The following EHBP1 variants were observed in gnomAD, a reference collection of about 807,000 sequenced individuals.
EHBP1 encodes the protein EH domain-binding protein 1.
Under a neutral mutation model 144.0 loss-of-function variants are expected in EHBP1, and 55 were observed. That is an observed-to-expected ratio of 0.38 (90% CI 0.31 to 0.48). EHBP1 has a LOEUF of 0.48. EHBP1 is among the 20% of genes least tolerant of loss of function. EHBP1 has a pLI of 0.98. For missense variants in EHBP1, 1,200 were observed against 1,364.2 expected (o/e 0.88, Z 1.90); for synonymous variants, 469 against 472.7 (o/e 0.99, Z 0.10).
intron 5 of EHBP1, among the ~76,000 whole-genome samples, chr2:62,803,740 CA>C (rs1238474786): frequency 6.6e-6 from 1 of 152,134 alleles, no homozygotes; most frequent in Non-Finnish European, 1.5e-5. Flanking sequence ...ATTTTTTCAG[CA>C]TTGCAAATAG....
intron 10 of EHBP1, among the ~76,000 whole-genome samples, chr2:62,931,594 C>T (rs1323166758): frequency 6.6e-6 from 1 of 152,108 alleles, no homozygotes; most frequent in Non-Finnish European, 1.5e-5. Context: ...TTTCAGTTGC[C>T]CATAGTCAAC....
intron 2 of EHBP1, among the ~76,000 whole-genome samples, chr2:62,727,751 A>C (rs184225382): frequency 2.0e-5 from 3 of 152,192 alleles, no homozygotes; most frequent in African/African-American, 7.2e-5. Context: ...TAATGCTGCT[A>C]TGAACATTTG....
chr2:62,702,553 T>C (rs2151764952), upstream of EHBP1, among the ~76,000 whole-genome samples: 2 of 152,286 alleles, frequency 1.3e-5, 1 homozygote, highest in South Asian at 4.1e-4. Context: ...TAAGGAGTTG[T>C]CATGAGGATT....
At chr2:62,970,464 A>T (rs1027341104) in intron 14 of EHBP1, among the ~76,000 whole-genome samples, 1 of 152,240 alleles carries the variant, frequency 6.6e-6, no homozygotes. Flanking sequence ...AAGAGTATGG[A>T]TACAAACTAC....
intron 3 of EHBP1, among the ~76,000 whole-genome samples, chr2:62,753,935 C>T (rs1033206910): frequency 2.4e-4 from 37 of 152,288 alleles, no homozygotes; most frequent in South Asian, 6.2e-4. Context: ...GCGATGGGTT[C>T]GAACTTCCTC....
chr2:63,037,316 C>T (rs150564498), intron 19 of EHBP1, among the ~76,000 whole-genome samples: 71 of 151,958 alleles, frequency 4.7e-4, no homozygotes, highest in African/African-American at 1.6e-3. Flanking sequence ...TATGATCTAT[C>T]GGTATGTTCA....
intron 1 of EHBP1, among the ~76,000 whole-genome samples, chr2:62,681,313 T>C (rs959765012): frequency 3.8e-5 from 5 of 130,872 alleles, no homozygotes; most frequent in African/African-American, 1.5e-4. Context: ...CTCAAATATA[T>C]ATATATATTT....
At position 63,000,942 on chromosome 2, in the gene EHBP1, C is replaced by CT. The variant is rs201560711; in HGVS notation, c.3103+4176_3103+4177insT. On this transcript the variant is annotated intron_variant, in intron 19 of 22. Transcript: ENST00000431489. ...AGCAAAACTTATTAGTTAGAAATATCATGTATTCCAAGCTGACACTTCTTA... is the reference window on the plus strand; with the variant it reads ...AGCAAAACTTATTAGTTAGAAATATCTATGTATTCCAAGCTGACACTTCTTA... Among the ~76,000 whole-genome samples the CT allele has an allele frequency of 3.7e-3, 565 of 152,128 alleles. 8 individuals carry two copies. The highest frequency in any genetic ancestry group is 0.013 in the African/African-American group (527 of 41,508).
At position 63,000,043 on chromosome 2, in the gene EHBP1, C is replaced by A. The variant is rs113563005; in HGVS notation, c.3103+3277C>A. ...TCCTAGGCTCCCAGAGCTTGAGCAA[C>A]ATTGGATTTTAAGCACCACCCCTGT... On this transcript the variant is annotated intron_variant, in intron 19 of 22. Transcript: ENST00000431489. 2.1e-3 allele frequency among the ~76,000 whole-genome samples: 314 copies of A among 152,256 alleles called. 1 individual carries two copies. The highest frequency in any genetic ancestry group is 7.4e-3 in the African/African-American group (306 of 41,548).
At chr2:62,752,927 C>T (rs762144823) in intron 3 of EHBP1, among the ~76,000 whole-genome samples, 77 of 152,274 alleles carry the variant, frequency 5.1e-4, no homozygotes, top group African/African-American at 1.6e-3. Flanking sequence ...CTGAATACAG[C>T]GCACTGATGG....
intron 10 of EHBP1, among the ~76,000 whole-genome samples, chr2:62,935,215 G>T (rs1254082751): frequency 6.6e-6 from 1 of 151,496 alleles, no homozygotes; most frequent in Non-Finnish European, 1.5e-5. Flanking sequence ...TATAGTCCCA[G>T]CTACTCGGGA....
chr2:62,682,768 G>T (rs1333184560), intron 1 of EHBP1, among the ~76,000 whole-genome samples: 1 of 152,122 alleles, frequency 6.6e-6, no homozygotes, highest in Non-Finnish European at 1.5e-5. Flanking sequence ...AACATTGCTG[G>T]ATTTTGGAGA....
Position 62,917,834 on chromosome 2 carries a change from C to T in EHBP1, c.1186-24884C>T, listed in dbSNP as rs140696431. Among the ~76,000 whole-genome samples the T allele has an allele frequency of 3.8e-3, 581 of 152,100 alleles. 4 individuals are homozygous for T. Among genetic ancestry groups the T allele is most frequent in the Non-Finnish European group, 6.7e-3 (454 of 67,982 alleles). On this transcript the variant is annotated intron_variant, in intron 10 of 22. Coordinates refer to ENST00000431489, the MANE Select transcript of EHBP1 (RefSeq NM_001142616.3). ...TAACAGACCTACAGAGGAATGTCTC[C>T]CAGCACTTTGATTTCTGATTTATTC...
rs560333687 is a variant in EHBP1 at position 62,785,687 on chromosome 2, A to G, written c.312+14295A>G. ...TATTTTCTTTTTCTTATTAAAATAT[A>G]TATTTTAAGGCCCTGTATTCTCCTT... On this transcript the variant is annotated intron_variant, in intron 5 of 22. Coordinates refer to ENST00000431489, the MANE Select transcript of EHBP1 (RefSeq NM_001142616.3). Among the ~76,000 whole-genome samples the G allele has an allele frequency of 2.8e-4, 42 of 152,200 alleles. No individual in the cohort carries two copies. In the South Asian group the frequency reaches 7.9e-3, roughly 29 times the overall value.
At chr2:62,689,406 G>T (rs1475167875) in intron 1 of EHBP1, among the ~76,000 whole-genome samples, 3 of 152,206 alleles carry the variant, frequency 2.0e-5, no homozygotes, top group Non-Finnish European at 4.4e-5. Flanking sequence ...ACTTTGGGAG[G>T]CCGAAGTGGG....
intron 7 of EHBP1, among the ~76,000 whole-genome samples, chr2:62,832,424 T>C (rs1558752670): frequency 6.7e-6 from 1 of 149,888 alleles, no homozygotes; most frequent in Non-Finnish European, 1.5e-5. Flanking sequence ...TTCACAGATT[T>C]TTTTTTCTTT....
chr2:62,771,528 T>C (rs1393621630), intron 5 of EHBP1, 136 bp downstream of exon 5: 1 of 620,112 alleles, frequency 1.6e-6, no homozygotes, highest in African/African-American at 1.9e-5. Flanking sequence ...TTTTAGAATG[T>C]TTTTAATGAA....
intron 7 of EHBP1, among the ~76,000 whole-genome samples, chr2:62,858,681 T>A (rs1025077934): frequency 2.0e-5 from 3 of 152,224 alleles, no homozygotes; most frequent in Non-Finnish European, 4.4e-5. Flanking sequence ...TAACAGTACT[T>A]ATCTTTAGCA....
At chr2:62,802,268 G>A (rs2044054130) in intron 5 of EHBP1, among the ~76,000 whole-genome samples, 1 of 152,224 alleles carries the variant, frequency 6.6e-6, no homozygotes, top group African/African-American at 2.4e-5. Context: ...AATGTCTGGA[G>A]AAGTTTTTGA....
Sources: allele counts gnomAD v4.1 joint callset (sites outside exome capture counted in the v4.1 genomes callset), GRCh38; gene constraint gnomAD v4.1.1; transcripts MANE v1.5; gene names NCBI Gene and HGNC (gene_info 2026-07-23, HGNC 2026-07-21).